CSNK1G1: variants seen among roughly 807,000 people sequenced by gnomAD.
The protein encoded by CSNK1G1 is casein kinase 1 gamma 1.
A neutral mutation model predicts 59.6 loss-of-function variants in CSNK1G1; 22 were observed. That is an observed-to-expected ratio of 0.37 (90% confidence interval 0.26 to 0.53). The LOEUF (loss-of-function observed/expected upper bound fraction) is 0.53. CSNK1G1 is among the 20% of genes least tolerant of loss of function. The pLI is 0.89. For synonymous variants in CSNK1G1, 179 were observed against 177.1 expected, an observed-to-expected ratio of 1.01 and a Z score of -0.08; for missense variants, 384 against 519.5, an observed-to-expected ratio of 0.74 and a Z score of 2.54.
chr15:64,214,240 C>T lies in CSNK1G1; in HGVS notation c.445-116G>A. 1.4e-6 allele frequency: 1 copy of T among 739,340 alleles called. No homozygotes were observed. The highest frequency in any genetic ancestry group is 2.5e-5 in the Admixed American group (1 of 40,604). 45.8% of individuals were successfully genotyped at this position (739,340 alleles called of 1,614,324 possible). Reference sequence around the variant, plus strand: ...TTATTGAAATAACAGTAAAATTCATCTCCTTTCACCGCCCTGAGTCACTTC... The same window carrying T: ...TTATTGAAATAACAGTAAAATTCATTTCCTTTCACCGCCCTGAGTCACTTC... On this transcript the variant is annotated intron_variant, in intron 5 of 11. Transcript: ENST00000303052. This position sits in a 1 kb window ranked among gnomAD's most constrained non-coding sequence, Gnocchi z 4.3.
intron 1 of CSNK1G1, among the ~76,000 whole-genome samples, chr15:64,341,773 G>A (rs1189535079): frequency 1.2e-4 from 19 of 152,098 alleles, no homozygotes; most frequent in Non-Finnish European, 2.8e-4. Context: ...GCTTAGAGAG[G>A]GAAAAGTGGT....
At chr15:64,274,094 G>C (rs1371881716) in intron 2 of CSNK1G1, among the ~76,000 whole-genome samples, 1 of 152,178 alleles carries the variant, frequency 6.6e-6, no homozygotes, top group Non-Finnish European at 1.5e-5. Context: ...CAAAATGCTA[G>C]CTTGCGTTTA....
chr15:64,246,158 ATAAT>A (rs1891741845), intron 4 of CSNK1G1, among the ~76,000 whole-genome samples: 1 of 152,230 alleles, frequency 6.6e-6, no homozygotes, highest in South Asian at 2.1e-4. Context: ...CCCTGACTTG[ATAAT>A]TACACATAGA....
chr15:64,201,845 G>A (rs2082113916), intron 10 of CSNK1G1, among the ~76,000 whole-genome samples: 1 of 151,884 alleles, frequency 6.6e-6, no homozygotes, highest in African/African-American at 2.4e-5. Flanking sequence ...ACAAGAAAGT[G>A]AAATCATAAG....
At chr15:64,346,461 T>TATTC (rs1427263422) in intron 1 of CSNK1G1, among the ~76,000 whole-genome samples, 1 of 148,914 alleles carries the variant, frequency 6.7e-6, no homozygotes, top group Admixed American at 6.7e-5. Context: ...TTTATTTATT[T>TATTC]ATTTATTTAT....
chr15:64,290,675 A>G lies in CSNK1G1; in HGVS notation c.181+9644T>C, dbSNP rs192135348. Among the ~76,000 whole-genome samples the G allele has an allele frequency of 2.8e-3, 428 of 152,364 alleles. 3 individuals carry two copies. The highest frequency in any genetic ancestry group is 9.6e-3 in the African/African-American group (398 of 41,590). On this transcript the variant is annotated intron_variant, in intron 2 of 11. Transcript: ENST00000303052. ...ACAAAAAAACCCAGACTTCACCATT[A>G]GGGAATATATCCACATAACAACAAA...
intron 11 of CSNK1G1, chr15:64,180,053 A>G (rs993647664): frequency 9.5e-6 from 3 of 317,112 alleles, no homozygotes; most frequent in African/African-American, 6.2e-5. Flanking sequence ...AAGAAGCTCC[A>G]CAGCCCCAAG....
chr15:64,348,361 T>G (rs1898089393), intron 1 of CSNK1G1: 1 of 152,204 alleles, frequency 6.6e-6, no homozygotes, highest in Admixed American at 6.5e-5. Flanking sequence ...TTGTAACACA[T>G]GTACCACACT....
At chr15:64,184,260 G>C (rs970079280) in intron 10 of CSNK1G1, among the ~76,000 whole-genome samples, 1 of 151,990 alleles carries the variant, frequency 6.6e-6, no homozygotes, top group Non-Finnish European at 1.5e-5. Context: ...CAGAGATCAT[G>C]CCACTGCACT....
chr15:64,200,556 G>A lies in CSNK1G1; in HGVS notation c.1107+2526C>T, dbSNP rs1247957627. Reference sequence around the variant, plus strand: ...AGACAGGGTTTCACCATGTTGGCCAGGCTGGTCTCGAACTCCTGACCTCAG... The same window carrying A: ...AGACAGGGTTTCACCATGTTGGCCAAGCTGGTCTCGAACTCCTGACCTCAG... On this transcript the variant is annotated intron_variant, in intron 10 of 11. Transcript: ENST00000303052. This position sits in a 1 kb window ranked among gnomAD's most constrained non-coding sequence, Gnocchi z 4.3. 6.6e-6 allele frequency among the ~76,000 whole-genome samples: 1 copy of A among 152,152 alleles called. No homozygotes were observed. The highest frequency in any genetic ancestry group is 2.4e-5 in the African/African-American group (1 of 41,426).
chr15:64,264,586 C>T (rs1200433813), intron 2 of CSNK1G1, among the ~76,000 whole-genome samples: 4 of 152,140 alleles, frequency 2.6e-5, no homozygotes, highest in African/African-American at 9.7e-5. Context: ...AAACTACAGG[C>T]CAATATCCCT....
At chr15:64,327,239 A>G (rs1301655421) in intron 1 of CSNK1G1, among the ~76,000 whole-genome samples, 1 of 152,162 alleles carries the variant, frequency 6.6e-6, no homozygotes, top group Non-Finnish European at 1.5e-5. Flanking sequence ...ACAAACAAAA[A>G]GACAGCAGTA....
intron 1 of CSNK1G1, among the ~76,000 whole-genome samples, chr15:64,349,109 C>A (rs562552524): frequency 1.3e-5 from 2 of 150,086 alleles, no homozygotes; most frequent in Non-Finnish European, 3.0e-5. Context: ...TGTACTCCAG[C>A]CTGGGCAACG....
rs980003937 is a variant in CSNK1G1, at chr15:64,200,099, G to T, written c.1107+2983C>A. Among the ~76,000 whole-genome samples the T allele has an allele frequency of 6.6e-6, 1 of 151,054 alleles. No homozygotes were observed. Among genetic ancestry groups the T allele is most frequent in the Non-Finnish European group, 1.5e-5 (1 of 67,750 alleles). On this transcript the variant is annotated intron_variant, in intron 10 of 11. Transcript: ENST00000303052. This position sits in a 1 kb window ranked among gnomAD's most constrained non-coding sequence, Gnocchi z 4.3. ...ATCTCCACTAAACATACAAAAATTA[G>T]CCCGGTGTGGTGGCAGGCACCTGTA...
intron 4 of CSNK1G1, among the ~76,000 whole-genome samples, chr15:64,242,460 G>A (rs767649674): frequency 3.3e-5 from 5 of 152,154 alleles, no homozygotes; most frequent in Non-Finnish European, 5.9e-5. Flanking sequence ...TCCCCACTTT[G>A]CCTTCTGCTA....
chr15:64,269,443 G>C (rs1053712140), intron 2 of CSNK1G1, among the ~76,000 whole-genome samples: 1 of 151,014 alleles, frequency 6.6e-6, no homozygotes, highest in African/African-American at 2.4e-5. Flanking sequence ...TCCCTTCTAG[G>C]TTTTCTGGCT....
intron 7 of CSNK1G1, among the ~76,000 whole-genome samples, chr15:64,207,080 G>A (rs1261671129): frequency 6.6e-6 from 1 of 152,112 alleles, no homozygotes; most frequent in Admixed American, 6.5e-5. Flanking sequence ...GCACTGTCAA[G>A]CCTGGGAGGA....
At chr15:64,260,356 T>G in intron 2 of CSNK1G1, among the ~76,000 whole-genome samples, 1 of 152,102 alleles carries the variant, frequency 6.6e-6, no homozygotes, top group Middle Eastern at 3.4e-3. Flanking sequence ...CTGTAATACA[T>G]AGCGGAATAT....
At chr15:64,189,297 G>C (rs2081939607) in intron 10 of CSNK1G1, 2 of 1,019,624 alleles carry the variant, frequency 2.0e-6, no homozygotes. Context: ...AACCTCTTTG[G>C]ATTCTGCTTT....
Sources: gnomAD v4.1 joint callset for allele counts (sites outside exome capture counted in the v4.1 genomes callset) on GRCh38, gnomAD v4.1.1 for gene constraint, Gnocchi (gnomAD v3.1) non-coding constraint, MANE v1.5 for transcripts, NCBI Gene and HGNC (gene_info 2026-07-23, HGNC 2026-07-21) for gene names.